Variants in COMMD10 observed in about 807,000 individuals in gnomAD.
The protein encoded by COMMD10 is COMM domain containing 10.
A neutral mutation model predicts 28.9 loss-of-function variants in COMMD10; 33 were observed. That is an observed-to-expected ratio of 1.14 (90% confidence interval 0.87 to 1.53). COMMD10 has a LOEUF of 1.53. Among genes scored for constraint, COMMD10 ranks in the 40% most tolerant of loss-of-function variants. The pLI is 0.00. For synonymous variants in COMMD10, 110 were observed against 81.7 expected, an observed-to-expected ratio of 1.35 and a Z score of -1.87; for missense variants, 310 against 233.4, an observed-to-expected ratio of 1.33 and a Z score of -2.14.
At chr5:116,136,358 A>G (rs1752024402) in intron 5 of COMMD10, among the ~76,000 whole-genome samples, 1 of 152,182 alleles carries the variant, frequency 6.6e-6, no homozygotes, top group South Asian at 2.1e-4. Flanking sequence ...AAATACATAC[A>G]TACATGCACA....
At chr5:116,163,949 T>C (rs2112570738) in intron 5 of COMMD10, among the ~76,000 whole-genome samples, 1 of 152,342 alleles carries the variant, frequency 6.6e-6, no homozygotes, top group African/African-American at 2.4e-5. Context: ...TTTCTACCCT[T>C]TCCCATTGAA....
chr5:116,224,518 G>A (rs1749343213), intron 5 of COMMD10, among the ~76,000 whole-genome samples: 1 of 152,162 alleles, frequency 6.6e-6, no homozygotes, highest in African/African-American at 2.4e-5. Flanking sequence ...GAAGGCAAAA[G>A]GGGAGTTGGC....
At chr5:116,171,273 A>G (rs60264648) in intron 5 of COMMD10, among the ~76,000 whole-genome samples, 30,383 of 152,146 alleles carry the variant, frequency 0.2, 4,991 homozygotes, top group African/African-American at 0.46. Context: ...CAACATCACA[A>G]TGAGATACCA....
In COMMD10 at chr5:116,160,991, T is replaced by A. The variant is rs576305880; in HGVS notation, c.510+26813T>A. Among the ~76,000 whole-genome samples the A allele has an allele frequency of 9.9e-4, 150 of 152,252 alleles. 1 individual carries two copies. The highest frequency in any genetic ancestry group is 3.1e-3 in the African/African-American group (130 of 41,536). ...ATTTTTTTCATGTTAATATCATTTT[T>A]AAAAAAATAATACTGATGGTAAATA... is the stretch of plus-strand genomic sequence containing the variant. On this transcript the variant is annotated intron_variant, in intron 5 of 6. Transcript: ENST00000274458.
At chr5:116,120,820 G>C (rs1262752913) in intron 4 of COMMD10, among the ~76,000 whole-genome samples, 1 of 151,124 alleles carries the variant, frequency 6.6e-6, no homozygotes, top group Non-Finnish European at 1.5e-5. Flanking sequence ...CTGTTCACCT[G>C]TTTGTGGATA....
At chr5:116,227,999 C>G (rs901621879) in intron 5 of COMMD10, among the ~76,000 whole-genome samples, 2 of 151,972 alleles carry the variant, frequency 1.3e-5, no homozygotes, top group African/African-American at 4.8e-5. Context: ...CAGAATAATG[C>G]ACATACATTT....
At chr5:116,234,398 A>T (rs1213834127) in intron 5 of COMMD10, among the ~76,000 whole-genome samples, 1 of 152,198 alleles carries the variant, frequency 6.6e-6, no homozygotes, top group Non-Finnish European at 1.5e-5. Context: ...AAAAAATTTC[A>T]ATTTTAGAAT....
At position 116,157,915 on chromosome 5, in the gene COMMD10, A is replaced by T. The variant is rs554169897; in HGVS notation, c.510+23737A>T. Among the ~76,000 whole-genome samples, 245 of 148,414 alleles carry T rather than the reference A, an allele frequency of 1.7e-3. 3 individuals are homozygous for T. The highest frequency in any genetic ancestry group is 5.7e-3 in the African/African-American group (229 of 39,926). On this transcript the variant is annotated intron_variant, in intron 5 of 6. Coordinates refer to ENST00000274458, the MANE Select transcript of COMMD10 (RefSeq NM_016144.4). ...ATTTTATTGTGGTTTTAATAGTCTCAATTGCTAAGATGGCTTTCCTTTACT... is the reference window on the plus strand; with the variant it reads ...ATTTTATTGTGGTTTTAATAGTCTCTATTGCTAAGATGGCTTTCCTTTACT...
chr5:116,249,635 G>T (rs1229421808), intron 5 of COMMD10, among the ~76,000 whole-genome samples: 1 of 151,890 alleles, frequency 6.6e-6, no homozygotes, highest in East Asian at 1.9e-4. Flanking sequence ...GAAAGATAAT[G>T]CTGGCACGAC....
At chr5:116,206,148 G>C (rs1748808570) in intron 5 of COMMD10, among the ~76,000 whole-genome samples, 1 of 152,146 alleles carries the variant, frequency 6.6e-6, no homozygotes, top group Non-Finnish European at 1.5e-5. Context: ...AGTTTATGGT[G>C]GGGTATGATT....
intron 5 of COMMD10, among the ~76,000 whole-genome samples, chr5:116,291,182 A>C (rs989646395): frequency 6.6e-6 from 1 of 152,202 alleles, no homozygotes; most frequent in East Asian, 1.9e-4. Context: ...CTAGATTTCA[A>C]ACAGACTGCT....
At chr5:116,177,291 AG>A (rs1753547156) in intron 5 of COMMD10, among the ~76,000 whole-genome samples, 1 of 132,530 alleles carries the variant, frequency 7.5e-6, no homozygotes. Flanking sequence ...AGAAAGAGAC[AG>A]CTTTCTCTCT....
Position 116,129,355 on chromosome 5 carries a change from A to G in COMMD10, c.400-4713A>G, listed in dbSNP as rs542224458. Among the ~76,000 whole-genome samples, 3 of 145,860 alleles carry G rather than the reference A, an allele frequency of 2.1e-5. No individual in the cohort carries two copies. In the South Asian group the frequency reaches 6.3e-4, roughly 31 times the overall value. On this transcript the variant is annotated intron_variant, in intron 4 of 6. Coordinates refer to ENST00000274458, the MANE Select transcript of COMMD10 (RefSeq NM_016144.4). ...TTTGTATATATAGTATAGTATATATATGCTATATACTATAGTATTTTATAT... is the reference window on the plus strand; with the variant it reads ...TTTGTATATATAGTATAGTATATATGTGCTATATACTATAGTATTTTATAT...
Position 116,151,173 on chromosome 5 carries a change from G to A in COMMD10, c.510+16995G>A, listed in dbSNP as rs568740964. 4.6e-3 allele frequency among the ~76,000 whole-genome samples: 702 copies of A among 151,714 alleles called. 2 individuals are homozygous for A. The highest frequency in any genetic ancestry group is 8.1e-3 in the Admixed American group (123 of 15,202). On this transcript the variant is annotated intron_variant, in intron 5 of 6. Transcript: ENST00000274458. ...TGCTGGATTACATTTATTGATTTGCGTATATTGAACCAGCCTTGCATCCCA... is the reference window on the plus strand; with the variant it reads ...TGCTGGATTACATTTATTGATTTGCATATATTGAACCAGCCTTGCATCCCA...
At chr5:116,274,996 C>G (rs1435538213) in intron 5 of COMMD10, among the ~76,000 whole-genome samples, 1 of 151,708 alleles carries the variant, frequency 6.6e-6, no homozygotes, top group African/African-American at 2.4e-5. Context: ...TCCAAAGATA[C>G]TTGGAAATAC....
At chr5:116,285,418 C>T (rs1350893035) in intron 5 of COMMD10, among the ~76,000 whole-genome samples, 2 of 151,872 alleles carry the variant, frequency 1.3e-5, no homozygotes, top group Admixed American at 6.6e-5. Flanking sequence ...TCCATTCTTA[C>T]TTCCCCACAA....
At chr5:116,086,490 C>G (rs1239810051) in intron 1 of COMMD10, among the ~76,000 whole-genome samples, 1 of 151,910 alleles carries the variant, frequency 6.6e-6, no homozygotes, top group Non-Finnish European at 1.5e-5. Flanking sequence ...GGGCGTTTCC[C>G]TCTTGTTGCG....
chr5:116,131,098 G>A (rs1751847512), intron 4 of COMMD10, among the ~76,000 whole-genome samples: 1 of 151,848 alleles, frequency 6.6e-6, no homozygotes, highest in South Asian at 2.1e-4. Flanking sequence ...ATTGGGAAAG[G>A]AGGTGCCACT....
intron 4 of COMMD10, among the ~76,000 whole-genome samples, chr5:116,110,694 C>CT (rs1751014418): frequency 6.6e-6 from 1 of 152,096 alleles, no homozygotes; most frequent in South Asian, 2.1e-4. Context: ...GCAGGCTGTA[C>CT]TGGAAGCATG....
Sources: allele counts gnomAD v4.1 joint callset (sites outside exome capture counted in the v4.1 genomes callset), GRCh38; gene constraint gnomAD v4.1.1; transcripts MANE v1.5; gene names NCBI Gene and HGNC (gene_info 2026-07-23, HGNC 2026-07-21).